SIVA1: variants seen among roughly 807,000 people sequenced by gnomAD.
The protein encoded by SIVA1 is SIVA1 apoptosis inducing factor.
SIVA1 carries 10 observed loss-of-function variants against 19.7 expected under a neutral mutation model. The ratio of observed to expected loss-of-function variants is 0.51; its 90% confidence interval spans 0.31 to 0.86. The LOEUF is 0.86. Among genes scored for constraint, SIVA1 ranks in the 40% least tolerant of loss-of-function variants. The probability of loss-of-function intolerance (pLI) is 0.04; values close to 1 mark genes in which losing one functional copy is unlikely to be tolerated. For synonymous variants in SIVA1, 130 were observed against 106.1 expected (o/e 1.23, Z -1.39); for missense variants, 241 against 245.2 (o/e 0.98, Z 0.11).
At chr14:104,755,877 C>A in intron 2 of SIVA1, 53 bp downstream of exon 2, 1 of 1,529,814 alleles carries the variant, frequency 6.5e-7, no homozygotes, top group Non-Finnish European at 8.9e-7. Flanking sequence ...CAGGTGGTGG[C>A]ACGAGCATTT....
chr14:104,759,593 G>A lies in SIVA1; in HGVS notation c.*108G>A. On this transcript the variant is annotated 3_prime_UTR_variant, in exon 4 of 4. Transcript: ENST00000329967. This position sits in a 1 kb window ranked among gnomAD's most constrained non-coding sequence, Gnocchi z 4.2. ...GAACTGTGGGGTCGACGGGAGGGGT[G>A]CCTTTTACATGTTCTATTTTGTATC... 2.5e-6 allele frequency: 2 copies of A among 793,510 alleles called. No individual in the cohort carries two copies. Among genetic ancestry groups the A allele is most frequent in the Non-Finnish European group, 4.1e-6 (2 of 482,152 alleles). The allele number at this position is 793,510 out of a possible 1,614,324, so 49.2% of individuals were successfully genotyped here.
chr14:104,756,370 G>A (rs749692970), intron 2 of SIVA1: 12 of 585,686 alleles, frequency 2.0e-5, no homozygotes, highest in Non-Finnish European at 3.7e-5. Context: ...AAGGGAAAGA[G>A]CACTGAACTT....
At position 104,756,771 on chromosome 14, in the gene SIVA1, C is replaced by A; in HGVS notation, c.470+11C>A. 6.2e-7 allele frequency: 1 copy of A among 1,603,336 alleles called. No individual in the cohort carries two copies. On this transcript the variant is annotated intron_variant, in intron 3 of 3. Transcript: ENST00000329967. ...GTGTGGCCTCGTGGAGTAAGTACTT[C>A]AGTCCCTGGAGCTGCTGAGATCCCA...
At chr14:104,757,447 T>C (rs1286668893) in intron 3 of SIVA1, 3 of 248,296 alleles carry the variant, frequency 1.2e-5, no homozygotes, top group Non-Finnish European at 2.5e-5. Flanking sequence ...ATGTTACATC[T>C]CGAGTCCTTT....
At chr14:104,756,056 G>T in intron 2 of SIVA1, 1 of 655,894 alleles carries the variant, frequency 1.5e-6, no homozygotes. Flanking sequence ...GAGACTCCCC[G>T]GGTATCCCGT....
intron 3 of SIVA1, chr14:104,757,640 A>G (rs946670938): frequency 1.9e-5 from 3 of 154,542 alleles, no homozygotes; most frequent in African/African-American, 7.2e-5. Flanking sequence ...AGGGCTAGCT[A>G]TGAATGTGGG....
intron 1 of SIVA1, chr14:104,753,841 G>A (rs879532053): frequency 9.0e-6 from 4 of 446,204 alleles, no homozygotes; most frequent in African/African-American, 2.0e-5. Flanking sequence ...CAGCCTAGTT[G>A]GGGAGACCAG....
intron 2 of SIVA1, 102 bp from the exon 3 acceptor site, chr14:104,756,502 C>A: frequency 1.4e-6 from 2 of 1,392,106 alleles, no homozygotes; most frequent in Non-Finnish European, 2.0e-6. Context: ...GTAGGCAGGT[C>A]AGAGCCCTCT....
At chr14:104,756,091 A>T in intron 2 of SIVA1, 2 of 598,580 alleles carry the variant, frequency 3.3e-6, no homozygotes, top group Non-Finnish European at 6.1e-6. Flanking sequence ...CAGCCCCCTC[A>T]GATAGTCCCA....
At position 104,759,654 on chromosome 14, in the gene SIVA1, A is replaced by C; in HGVS notation, c.*169A>C. 1 of 549,846 alleles carries C rather than the reference A, an allele frequency of 1.8e-6. No homozygotes were observed. The highest frequency in any genetic ancestry group is 3.3e-5 in the Admixed American group (1 of 30,602). 34.1% of individuals were successfully genotyped at this position (549,846 alleles called of 1,614,324 possible). A position where few individuals can be genotyped will look rare whatever the true frequency, so the allele number is the denominator to read the frequency against. ...AATGAATAAACCTCTTTATATTTGCACAAGAGGACTCTTGTCTGTCAGCAC... is the reference window on the plus strand; with the variant it reads ...AATGAATAAACCTCTTTATATTTGCCCAAGAGGACTCTTGTCTGTCAGCAC... On this transcript the variant is annotated 3_prime_UTR_variant, in exon 4 of 4. Coordinates refer to ENST00000329967, the MANE Select transcript of SIVA1 (RefSeq NM_006427.4). The surrounding 1 kb of genome is among the most constrained non-coding windows in gnomAD (Gnocchi z 4.2).
Position 104,759,521 on chromosome 14 carries a change from C to G in SIVA1, c.*36C>G. On this transcript the variant is annotated 3_prime_UTR_variant, in exon 4 of 4. Transcript: ENST00000329967. This position sits in a 1 kb window ranked among gnomAD's most constrained non-coding sequence, Gnocchi z 4.2. ...AGCCGGCTGCCTTCACCGGGAGCCA[C>G]GCCGTGCATGGCAGCCTTCCCTGGA... The G allele has an allele frequency of 6.3e-7, 1 of 1,581,996 alleles. No individual in the cohort carries two copies. Among genetic ancestry groups the G allele is most frequent in the Non-Finnish European group, 8.6e-7 (1 of 1,159,018 alleles).
At chr14:104,756,799 G>T in intron 3 of SIVA1, 39 bp downstream of exon 3, 1 of 1,567,450 alleles carries the variant, frequency 6.4e-7, no homozygotes, top group Non-Finnish European at 8.7e-7. Flanking sequence ...AGATCCCATA[G>T]CCCCAGCAAG....
intron 2 of SIVA1, 116 bp from the exon 3 acceptor site, chr14:104,756,488 T>G (rs987729007): frequency 8.7e-7 from 1 of 1,148,472 alleles, no homozygotes. Flanking sequence ...TAGGTGGGGA[T>G]GGGGTAGGCA....
At position 104,753,719 on chromosome 14, in the gene SIVA1, C is replaced by T. The variant is rs145883859; in HGVS notation, c.118+400C>T. 369 of 438,246 alleles carry T rather than the reference C, an allele frequency of 8.4e-4. 1 individual carries two copies. The highest frequency in any genetic ancestry group is 4.0e-3 in the Middle Eastern group (12 of 3,024). 27.1% of individuals were successfully genotyped at this position (438,246 alleles called of 1,614,324 possible). A position where few individuals can be genotyped will look rare whatever the true frequency, so the allele number is the denominator to read the frequency against. ...TGCATGGAGTCAACCCGAAGAGTGCCCCTCCTGTCCCAAGAGGTATTCATG... is the reference window on the plus strand; with the variant it reads ...TGCATGGAGTCAACCCGAAGAGTGCTCCTCCTGTCCCAAGAGGTATTCATG... On this transcript the variant is annotated intron_variant, in intron 1 of 3. Coordinates refer to ENST00000329967, the MANE Select transcript of SIVA1 (RefSeq NM_006427.4).
intron 3 of SIVA1, 68 bp downstream of exon 3, chr14:104,756,828 G>A: frequency 6.6e-7 from 1 of 1,505,128 alleles, no homozygotes; most frequent in Non-Finnish European, 9.0e-7. Context: ...GGGGACGGGT[G>A]GGTCACCCAT....
rs1317966339 is a variant in SIVA1, at chr14:104,753,259, G to T, written c.58G>T (p.Val20Leu). 1.8e-5 allele frequency: 29 copies of T among 1,600,606 alleles called. No homozygotes were observed. Among genetic ancestry groups the T allele is most frequent in the Non-Finnish European group, 2.4e-5 (28 of 1,175,510 alleles). The change falls in exon 1 of 4, where the codon GTG (valine) becomes TTG (leucine). Residue 20 changes from valine to leucine, a missense_variant. By Grantham distance (32) the Val-to-Leu change is conservative. Transcript: ENST00000329967. ...GGCCCCGCTACAGCTCAAGGTCCGC[G>T]TGAGCCAGAGGGAGTTGAGCCGCGG... ...DVAPLQLKVR[V>L]SQRELSRGVC...
At chr14:104,753,637 T>C in intron 1 of SIVA1, 1 of 449,438 alleles carries the variant, frequency 2.2e-6, no homozygotes, top group Non-Finnish European at 4.2e-6. Flanking sequence ...CGCCTGGTGC[T>C]TTCTCAGGAC....
chr14:104,753,193 C>T lies in SIVA1; in HGVS notation c.-9C>T. ...GCCGGGGAGCTGCGTAGCTCCCGGC[C>T]CCGCGGCCATGCCCAAGCGGAGCTG... is the stretch of plus-strand genomic sequence containing the variant. On this transcript the variant is annotated 5_prime_UTR_variant, in exon 1 of 4. Transcript: ENST00000329967. The T allele has an allele frequency of 6.4e-7, 1 of 1,552,028 alleles. No homozygotes were observed. The highest frequency in any genetic ancestry group is 8.7e-7 in the Non-Finnish European group (1 of 1,148,232).
In SIVA1 at chr14:104,759,558, T is replaced by C. The variant is rs1197820822; in HGVS notation, c.*73T>C. 2 of 1,286,190 alleles carry C rather than the reference T, an allele frequency of 1.6e-6. No homozygotes were observed. The highest frequency in any genetic ancestry group is 2.2e-6 in the Non-Finnish European group (2 of 897,784). The allele number at this position is 1,286,190 out of a possible 1,614,324, so 79.7% of individuals were successfully genotyped here. A position where few individuals can be genotyped will look rare whatever the true frequency, so the allele number is the denominator to read the frequency against. On this transcript the variant is annotated 3_prime_UTR_variant, in exon 4 of 4. Transcript: ENST00000329967. The surrounding 1 kb of genome is among the most constrained non-coding windows in gnomAD (Gnocchi z 4.2). ...CAGCCTTCCCTGGACGAGCGCTCGG[T>C]GTTCACACTGAACTGTGGGGTCGAC...
Sources: gnomAD v4.1 joint callset for allele counts on GRCh38, gnomAD v4.1.1 for gene constraint, Gnocchi (gnomAD v3.1) non-coding constraint, MANE v1.5 for transcripts, NCBI Gene and HGNC (gene_info 2026-07-23, HGNC 2026-07-21) for gene names.